OSBPL8: variants seen among roughly 807,000 people sequenced by gnomAD.
The protein encoded by OSBPL8 is oxysterol binding protein like 8.
Under a neutral mutation model 125.5 loss-of-function variants are expected in OSBPL8, and 59 were observed. The ratio of observed to expected loss-of-function variants is 0.47; its 90% CI spans 0.38 to 0.58. The LOEUF is 0.58. Ranked by LOEUF, OSBPL8 falls within the 20% of genes least tolerant of loss-of-function variation. The pLI is 0.00. For synonymous variants in OSBPL8, 330 were observed against 338.9 expected (o/e 0.97, Z 0.29); for missense variants, 758 against 1,047.8 (o/e 0.72, Z 3.82).
At chr12:76,465,954 C>T (rs1366387407) in intron 2 of OSBPL8, among the ~76,000 whole-genome samples, 2 of 151,082 alleles carry the variant, frequency 1.3e-5, no homozygotes, top group Admixed American at 6.6e-5. Context: ...TGCAGTAAGC[C>T]GAGATCACAC....
At chr12:76,459,969 A>C (rs1592720291) in intron 2 of OSBPL8, 74 bp from the exon 3 acceptor site, 1 of 1,443,078 alleles carries the variant, frequency 6.9e-7, no homozygotes, top group East Asian at 2.3e-5. Flanking sequence ...ATCAGGACGG[A>C]AACAGCAGTG....
intron 1 of OSBPL8, among the ~76,000 whole-genome samples, chr12:76,489,327 A>G (rs990015462): frequency 2.0e-5 from 3 of 152,248 alleles, no homozygotes; most frequent in Non-Finnish European, 4.4e-5. Context: ...ATAGCCTTCT[A>G]TTAGAAGATG....
At chr12:76,407,799 T>C (rs1954334187) in intron 5 of OSBPL8, among the ~76,000 whole-genome samples, 1 of 152,130 alleles carries the variant, frequency 6.6e-6, no homozygotes, top group African/African-American at 2.4e-5. Context: ...AGGTACTTTC[T>C]GCACCACAGT....
chr12:76,396,418 T>A (rs372036208), intron 8 of OSBPL8, among the ~76,000 whole-genome samples: 1 of 152,208 alleles, frequency 6.6e-6, no homozygotes. Context: ...TTCTTTATTC[T>A]ACGATAGCTG....
At chr12:76,411,499 C>T (rs949318321) in intron 4 of OSBPL8, among the ~76,000 whole-genome samples, 2 of 151,788 alleles carry the variant, frequency 1.3e-5, no homozygotes, top group African/African-American at 4.8e-5. Context: ...TCAAGTAGTA[C>T]CAGTGCCTAA....
chr12:76,531,766 G>A (rs1950345188), intron 1 of OSBPL8, among the ~76,000 whole-genome samples: 1 of 151,988 alleles, frequency 6.6e-6, no homozygotes, highest in African/African-American at 2.4e-5. Flanking sequence ...GGCCGGGTGC[G>A]GTGGCTCACG....
intron 4 of OSBPL8, among the ~76,000 whole-genome samples, chr12:76,413,687 G>A (rs1053723323): frequency 1.3e-5 from 2 of 151,944 alleles, no homozygotes; most frequent in Admixed American, 6.6e-5. Flanking sequence ...TTTAGTTTGC[G>A]TGTCCCTGAT....
intron 1 of OSBPL8, among the ~76,000 whole-genome samples, chr12:76,517,735 C>T (rs965121902): frequency 1.7e-4 from 26 of 152,126 alleles, no homozygotes; most frequent in African/African-American, 6.0e-4. Context: ...GATGAGGCTT[C>T]ACTGAGCTTT....
At chr12:76,394,542 A>C in intron 9 of OSBPL8, 103 bp downstream of exon 9, 1 of 797,434 alleles carries the variant, frequency 1.3e-6, no homozygotes. Flanking sequence ...TTCTGCTGCA[A>C]ATGCCATACT....
intron 2 of OSBPL8, among the ~76,000 whole-genome samples, chr12:76,460,734 A>G (rs1413432220): frequency 6.6e-6 from 1 of 152,202 alleles, no homozygotes; most frequent in Non-Finnish European, 1.5e-5. Flanking sequence ...TTGCCCATGG[A>G]CAAGTGCTTT....
chr12:76,429,258 C>T (rs371886490), intron 4 of OSBPL8, among the ~76,000 whole-genome samples: 2 of 100,460 alleles, frequency 2.0e-5, no homozygotes, highest in East Asian at 4.5e-4. Flanking sequence ...GTACTTTCCT[C>T]TGGATAAAAA....
chr12:76,490,809 C>T (rs1446512705), intron 1 of OSBPL8, among the ~76,000 whole-genome samples: 1 of 152,234 alleles, frequency 6.6e-6, no homozygotes, highest in Non-Finnish European at 1.5e-5. Flanking sequence ...TTAAGCCACC[C>T]ACAGACAGCA....
intron 5 of OSBPL8, among the ~76,000 whole-genome samples, chr12:76,403,498 G>A (rs1442988726): frequency 6.6e-6 from 1 of 152,086 alleles, no homozygotes; most frequent in Non-Finnish European, 1.5e-5. Context: ...TTAACATTGC[G>A]GAGATCAGAA....
At chr12:76,466,142 A>G (rs1181758552) in intron 2 of OSBPL8, among the ~76,000 whole-genome samples, 1 of 152,204 alleles carries the variant, frequency 6.6e-6, no homozygotes, top group Non-Finnish European at 1.5e-5. Context: ...AAACTTACGA[A>G]AGATGCCACC....
intron 21 of OSBPL8, among the ~76,000 whole-genome samples, chr12:76,363,767 A>G (rs1174377275): frequency 6.6e-6 from 1 of 152,216 alleles, no homozygotes; most frequent in Admixed American, 6.5e-5. Context: ...CCATCTGACA[A>G]AGGCTAATAT....
intron 16 of OSBPL8, among the ~76,000 whole-genome samples, 172 bp downstream of exon 16, chr12:76,378,280 G>A (rs942583051): frequency 5.3e-5 from 8 of 152,064 alleles, no homozygotes; most frequent in Non-Finnish European, 7.4e-5. Flanking sequence ...TTAATTCACC[G>A]CAGAAATATT....
At chr12:76,399,805 C>T in intron 7 of OSBPL8, 68 bp downstream of exon 7, 1 of 1,304,872 alleles carries the variant, frequency 7.7e-7, no homozygotes, top group African/African-American at 1.5e-5. Context: ...GTTAGGTATA[C>T]TCCAGGCTTT....
chr12:76,502,158 T>A (rs1261519794), intron 1 of OSBPL8, among the ~76,000 whole-genome samples: 1 of 152,206 alleles, frequency 6.6e-6, no homozygotes, highest in African/African-American at 2.4e-5. Flanking sequence ...AGGCTGTATA[T>A]GCTCTGGGTC....
intron 8 of OSBPL8, 130 bp downstream of exon 8, chr12:76,397,564 A>T: frequency 1.1e-6 from 1 of 920,284 alleles, no homozygotes; most frequent in East Asian, 2.7e-5. Context: ...GAATGGGGGA[A>T]TAATGCAATG....
Sources: gnomAD v4.1 joint callset for allele counts (sites outside exome capture counted in the v4.1 genomes callset) on GRCh38, gnomAD v4.1.1 for gene constraint, MANE v1.5 for transcripts, NCBI Gene and HGNC (gene_info 2026-07-23, HGNC 2026-07-21) for gene names.